AFF2: variants seen among roughly 807,000 people sequenced by gnomAD.
The protein encoded by AFF2 is ALF transcription elongation factor 2, also known as AF4/FMR2 family member 2.
AFF2 carries 14 observed loss-of-function variants against 76.9 expected under a neutral mutation model. The observed-to-expected ratio is 0.18, with a 90% confidence interval of 0.12 to 0.28. The LOEUF (loss-of-function observed/expected upper bound fraction) is 0.28, where lower values mean the gene tolerates loss of function less well. Among genes scored for constraint, AFF2 ranks in the 10% least tolerant of loss-of-function variants. AFF2 has a pLI of 1.00. For synonymous variants in AFF2, 398 were observed against 366.7 expected (o/e 1.09, Z -0.98); for missense variants, 868 against 1,001.1 (o/e 0.87, Z 1.79).
At chrX:148,953,411 G>T (rs190110167) in intron 9 of AFF2, among the ~76,000 whole-genome samples, 169 bp from the exon 10 acceptor site, 291 of 111,650 alleles carry the variant, frequency 2.6e-3, no homozygotes, top group African/African-American at 9.1e-3. Flanking sequence ...CTTTCAACTT[G>T]GGCCAGTCAC....
At position 148,662,611 on chromosome X, in the gene AFF2, A is replaced by C. The variant is rs1289450594; in HGVS notation, c.884A>C (p.Gln295Pro). 2.5e-6 allele frequency: 3 copies of C among 1,209,870 alleles called. No homozygotes were observed. Among genetic ancestry groups the C allele is most frequent in the Admixed American group, 2.2e-5 (1 of 45,688 alleles). The stretch of plus-strand genomic sequence containing the variant: ...GCATACGTCAGACCCATGGATGGCC[A>C]GGACCAGGCACCGGACATCTCACCA... ...PTAYVRPMDG[Q>P]DQAPDISPTL... The change falls in exon 3 of 21, where the codon CAG becomes CCG. Residue 295 changes from glutamine to proline, a missense_variant. Physicochemically the swap from Gln to Pro is moderately conservative, Grantham distance 76 (BLOSUM62 -1). Coordinates refer to ENST00000370460, the MANE Select transcript of AFF2 (RefSeq NM_002025.4).
chrX:148,569,154 A>T (rs2053200824), intron 1 of AFF2, among the ~76,000 whole-genome samples: 1 of 110,576 alleles, frequency 9.0e-6, no homozygotes. Flanking sequence ...AATGATGGTG[A>T]TGGTGATAAT....
At chrX:148,592,800 C>T (rs1158400996) in intron 1 of AFF2, among the ~76,000 whole-genome samples, 1 of 111,916 alleles carries the variant, frequency 8.9e-6, no homozygotes, top group Non-Finnish European at 1.9e-5. Flanking sequence ...AGCTAAGTGC[C>T]TCATCAGCAG....
chrX:148,725,216 C>T (rs1557264145), intron 3 of AFF2, among the ~76,000 whole-genome samples: 1 of 110,660 alleles, frequency 9.0e-6, no homozygotes, highest in African/African-American at 3.3e-5. Context: ...AAAAGCCCTA[C>T]CCCCACAGGG....
At chrX:148,706,626 C>T (rs1174657671) in intron 3 of AFF2, among the ~76,000 whole-genome samples, 6 of 112,018 alleles carry the variant, frequency 5.4e-5, no homozygotes, top group Admixed American at 2.8e-4. Flanking sequence ...TGTGATAGCC[C>T]GCACCAGAAT....
At chrX:148,895,416 C>T (rs1278019228) in intron 8 of AFF2, among the ~76,000 whole-genome samples, 2 of 111,588 alleles carry the variant, frequency 1.8e-5, no homozygotes, top group East Asian at 2.8e-4. Flanking sequence ...TGAATATTGA[C>T]ATAAGTGACA....
chrX:148,717,168 C>T (rs782417983), intron 3 of AFF2, among the ~76,000 whole-genome samples: 1 of 111,740 alleles, frequency 8.9e-6, no homozygotes, highest in Non-Finnish European at 1.9e-5. Flanking sequence ...CTCAAATCTC[C>T]ATCAATGGAC....
At chrX:148,524,934 C>T (rs782384439) in intron 1 of AFF2, among the ~76,000 whole-genome samples, 3 of 111,910 alleles carry the variant, frequency 2.7e-5, no homozygotes, top group African/African-American at 9.7e-5. Flanking sequence ...TCTAAAGGAA[C>T]AAGTTTTGAG....
In AFF2 at chrX:148,610,148, G is replaced by A. The variant is rs781888858; in HGVS notation, c.48-41851G>A. 3.6e-5 allele frequency among the ~76,000 whole-genome samples: 4 copies of A among 111,680 alleles called. No individual in the cohort carries two copies. In the South Asian group the frequency reaches 1.5e-3, roughly 42 times the overall value. Reference sequence around the variant, plus strand: ...GAGAGAGAGGGGGGTGGAAGAGTGAGAGCACTCATGCACACTTGGTACACA... The same window carrying A: ...GAGAGAGAGGGGGGTGGAAGAGTGAAAGCACTCATGCACACTTGGTACACA... On this transcript the variant is annotated intron_variant, in intron 1 of 20. Coordinates refer to ENST00000370460, the MANE Select transcript of AFF2 (RefSeq NM_002025.4).
At position 148,614,746 on chromosome X, in the gene AFF2, C is replaced by CTTTCTTTCCTTCT. The variant is rs1557250041; in HGVS notation, c.48-37245_48-37244insCTTCTTTTCTTTC. 6.4e-3 allele frequency among the ~76,000 whole-genome samples: 245 copies of CTTTCTTTCCTTCT among 38,389 alleles called. 1 individual carries two copies. Among genetic ancestry groups the CTTTCTTTCCTTCT allele is most frequent in the Middle Eastern group, 0.015 (1 of 68 alleles). 33.3% of individuals were successfully genotyped at this position (38,389 alleles called of 115,157 possible). A position where few individuals can be genotyped will look rare whatever the true frequency, so the allele number is the denominator to read the frequency against. On this transcript the variant is annotated intron_variant, in intron 1 of 20. Transcript: ENST00000370460. The stretch of plus-strand genomic sequence containing the variant: ...CTTTCTTTCTTTCCTTCTTTTCTTT[C>CTTTCTTTCCTTCT]TTTCTTTCTTTCTTTCTTTCTTTCT...
intron 1 of AFF2, among the ~76,000 whole-genome samples, chrX:148,631,927 C>CCATG (rs1228372338): frequency 2.7e-5 from 3 of 111,575 alleles, no homozygotes; most frequent in Non-Finnish European, 5.6e-5. Context: ...CATGCCAGAG[C>CCATG]CATGCCCCAA....
At chrX:148,524,415 A>G (rs1289565919) in intron 1 of AFF2, among the ~76,000 whole-genome samples, 1 of 111,242 alleles carries the variant, frequency 9.0e-6, no homozygotes, top group Non-Finnish European at 1.9e-5. Context: ...GTACTTCCAC[A>G]GGAACTTAGC....
intron 1 of AFF2, among the ~76,000 whole-genome samples, chrX:148,505,093 G>A (rs1236230507): frequency 8.9e-6 from 1 of 111,777 alleles, no homozygotes; most frequent in Non-Finnish European, 1.9e-5. Flanking sequence ...CTCTTAAAAG[G>A]GAGACTGCCT....
At chrX:148,966,184 C>G (rs1283787133) in intron 13 of AFF2, among the ~76,000 whole-genome samples, 1 of 111,950 alleles carries the variant, frequency 8.9e-6, no homozygotes, top group Non-Finnish European at 1.9e-5. Flanking sequence ...TTTCACTTAG[C>G]TAGAAACCAA....
chrX:148,976,000 A>G (rs1367149789), intron 16 of AFF2, among the ~76,000 whole-genome samples: 1 of 105,762 alleles, frequency 9.5e-6, no homozygotes, highest in Non-Finnish European at 2.0e-5. Flanking sequence ...TTTATGGTAA[A>G]AGTGCAACGT....
At chrX:148,711,401 T>C (rs1569553987) in intron 3 of AFF2, among the ~76,000 whole-genome samples, 1 of 112,075 alleles carries the variant, frequency 8.9e-6, no homozygotes, top group South Asian at 3.7e-4. Context: ...GGGACTAGTC[T>C]AGGTTAAGGG....
At position 148,966,955 on chromosome X, in the gene AFF2, A is replaced by G. The variant is rs2072185134; in HGVS notation, c.3079A>G (p.Thr1027Ala). Reference sequence around the variant, plus strand: ...TACTACCACTACCATTTCCACCATCACCTCTACCATCACTACTGGCCTCAT... The same window carrying G: ...TACTACCACTACCATTTCCACCATCGCCTCTACCATCACTACTGGCCTCAT... ...TTTTTTISTI[T>A]STITTGLMDS... The change falls in exon 14 of 21, where the codon ACC (threonine) becomes GCC (alanine). Residue 1027 changes from threonine (T) to alanine (A), a missense_variant. Thr to Ala is a moderately conservative substitution (Grantham distance 58). Around this residue, in one of 6 missense-constraint regions of AFF2, gnomAD observed 532 missense variants for 564.2 expected, o/e 0.94. Coordinates refer to ENST00000370460, the MANE Select transcript of AFF2 (RefSeq NM_002025.4). The G allele has an allele frequency of 2.5e-6, 3 of 1,208,197 alleles. No homozygotes were observed. Among genetic ancestry groups the G allele is most frequent in the Non-Finnish European group, 3.4e-6 (3 of 894,821 alleles).
intron 7 of AFF2, among the ~76,000 whole-genome samples, chrX:148,884,311 C>T (rs188492360): frequency 2.1e-4 from 24 of 112,219 alleles, no homozygotes; most frequent in African/African-American, 6.1e-4. Flanking sequence ...TTTGGTTTGC[C>T]GACCTCAGTG....
chrX:148,516,977 A>G (rs1281905315), intron 1 of AFF2, among the ~76,000 whole-genome samples: 4 of 111,922 alleles, frequency 3.6e-5, no homozygotes, highest in African/African-American at 1.3e-4. Context: ...GTAGCCGAGC[A>G]CCAGCTTTGT....
Sources: allele counts gnomAD v4.1 joint callset (sites outside exome capture counted in the v4.1 genomes callset), GRCh38; gene constraint gnomAD v4.1.1; regional missense constraint gnomAD v4.1.1; transcripts MANE v1.5; gene names NCBI Gene and HGNC (gene_info 2026-07-23, HGNC 2026-07-21).